SFTPD: variants seen among roughly 807,000 people sequenced by gnomAD.
SFTPD encodes the protein surfactant protein D.
In SFTPD, 18 loss-of-function variants were observed where a neutral mutation model predicts 34.6. The observed-to-expected ratio is 0.52, with a 90% CI of 0.36 to 0.77. The LOEUF is 0.77. Among genes scored for constraint, SFTPD ranks in the 30% least tolerant of loss-of-function variants. The probability of loss-of-function intolerance (pLI) is 0.00; values close to 1 mark genes in which losing one functional copy is unlikely to be tolerated. For missense variants in SFTPD, 433 were observed against 468.9 expected, an observed-to-expected ratio of 0.92 and a Z score of 0.71; for synonymous variants, 155 against 180.9, an observed-to-expected ratio of 0.86 and a Z score of 1.15.
upstream of SFTPD, among the ~76,000 whole-genome samples, chr10:79,951,339 C>T (rs1374580391): frequency 6.6e-6 from 1 of 152,128 alleles, no homozygotes; most frequent in Admixed American, 6.5e-5. Flanking sequence ...TGAACTTACT[C>T]TCATTTGAAT....
intron 2 of SFTPD, among the ~76,000 whole-genome samples, chr10:79,944,211 C>CTAA (rs1179324414): frequency 2.0e-5 from 3 of 152,242 alleles, no homozygotes; most frequent in Non-Finnish European, 2.9e-5. Context: ...TCTGGAGCCT[C>CTAA]TAATACATGC....
chr10:79,941,071 T>A (rs1842606498), intron 6 of SFTPD, among the ~76,000 whole-genome samples: 1 of 136,070 alleles, frequency 7.3e-6, no homozygotes. Flanking sequence ...GGTGGGGGGG[T>A]TGCTGGGCAG....
intron 1 of SFTPD, among the ~76,000 whole-genome samples, chr10:79,948,447 G>A (rs572027701): frequency 6.6e-6 from 1 of 152,350 alleles, no homozygotes; most frequent in East Asian, 1.9e-4. Flanking sequence ...TGGGGCAGCA[G>A]ATGGAGTGGG....
chr10:79,972,767 C>A (rs900583965), intron 1 of SFTPD: 2 of 152,130 alleles, frequency 1.3e-5, no homozygotes, highest in African/African-American at 2.4e-5. Context: ...GGAACCAAAC[C>A]AAGGTAATGA....
chr10:79,953,848 T>A (rs1842724563), upstream of SFTPD, among the ~76,000 whole-genome samples: 1 of 152,090 alleles, frequency 6.6e-6, no homozygotes, highest in African/African-American at 2.4e-5. Flanking sequence ...CTCTTTTTTA[T>A]TCTTTTTTTC....
At chr10:79,978,766 G>C (rs963117206) in intron 1 of SFTPD, among the ~76,000 whole-genome samples, 1 of 145,420 alleles carries the variant, frequency 6.9e-6, no homozygotes, top group Non-Finnish European at 1.5e-5. Flanking sequence ...ATTCTAAAAT[G>C]TTTTCCTTGA....
At chr10:79,961,127 C>T (rs1474420526) in intron 1 of SFTPD, among the ~76,000 whole-genome samples, 2 of 152,176 alleles carry the variant, frequency 1.3e-5, no homozygotes, top group African/African-American at 4.8e-5. Context: ...CTTCCTTACA[C>T]CTTATACAAA....
intron 2 of SFTPD, among the ~76,000 whole-genome samples, chr10:79,944,363 A>C (rs2132498298): frequency 6.6e-6 from 1 of 152,328 alleles, no homozygotes; most frequent in African/African-American, 2.4e-5. Flanking sequence ...AGTAAAGCAT[A>C]GGGTGTGTTG....
At chr10:79,943,996 G>A (rs1842641496) in intron 2 of SFTPD, among the ~76,000 whole-genome samples, 2 of 152,256 alleles carry the variant, frequency 1.3e-5, no homozygotes, top group Non-Finnish European at 2.9e-5. Flanking sequence ...GGCCATGAGA[G>A]CACCAGGGTG....
intron 5 of SFTPD, 83 bp downstream of exon 5, chr10:79,941,871 G>T: frequency 1.1e-6 from 1 of 870,198 alleles, no homozygotes. Context: ...TTTGTGGGTG[G>T]TGGAGGGGGT....
chr10:79,950,135 A>T (rs1842701386), upstream of SFTPD: 1 of 152,122 alleles, frequency 6.6e-6, no homozygotes, highest in Non-Finnish European at 1.5e-5. Flanking sequence ...AAGCCATCAT[A>T]CCCAGCACCA....
chr10:79,969,340 G>C (rs1842822225), intron 1 of SFTPD: 1 of 152,134 alleles, frequency 6.6e-6, no homozygotes, highest in Non-Finnish European at 1.5e-5. Flanking sequence ...CTGGCATGGT[G>C]GCAGGCGCCT....
intron 4 of SFTPD, 36 bp from the exon 5 acceptor site, chr10:79,942,106 G>A (rs780007400): frequency 4.1e-6 from 6 of 1,465,788 alleles, no homozygotes; most frequent in Non-Finnish European, 5.7e-6. Flanking sequence ...ACACAGCTAA[G>A]AGCGCGTTCA....
chr10:79,980,055 C>T (rs1278744216), intron 1 of SFTPD, among the ~76,000 whole-genome samples: 1 of 152,146 alleles, frequency 6.6e-6, no homozygotes, highest in Non-Finnish European at 1.5e-5. Flanking sequence ...GGAAAGAAGC[C>T]AGTCCTTGCA....
chr10:79,947,133 C>A (rs1332715752), intron 1 of SFTPD, among the ~76,000 whole-genome samples: 4 of 152,250 alleles, frequency 2.6e-5, no homozygotes, highest in East Asian at 3.8e-4. Context: ...CTCTTGCTGC[C>A]TTGCATGGAC....
chr10:79,946,759 T>A, intron 1 of SFTPD, 97 bp from the exon 2 acceptor site: 1 of 1,096,996 alleles, frequency 9.1e-7, no homozygotes, highest in Non-Finnish European at 1.3e-6. Context: ...AAGCCCCCAT[T>A]CCCTCCTTCT....
intron 3 of SFTPD, 37 bp from the exon 4 acceptor site, chr10:79,942,541 T>A (rs200184048): frequency 8.5e-5 from 117 of 1,380,404 alleles, no homozygotes; most frequent in Non-Finnish European, 1.2e-4. Context: ...TAACAATGAA[T>A]CCTCTTGGCA....
intron 1 of SFTPD, among the ~76,000 whole-genome samples, chr10:79,959,679 G>T (rs1216630030): frequency 2.0e-5 from 3 of 152,166 alleles, no homozygotes; most frequent in Non-Finnish European, 4.4e-5. Context: ...AAAAAGTCCA[G>T]GACCAGATGG....
chr10:79,947,195 G>A (rs726289), intron 1 of SFTPD, among the ~76,000 whole-genome samples: 12,012 of 152,316 alleles, frequency 0.079, 632 homozygotes, highest in South Asian at 0.2. Context: ...AGTCCTGAGT[G>A]CTTAGTAATG....
Sources: gnomAD v4.1 joint callset for allele counts (sites outside exome capture counted in the v4.1 genomes callset) on GRCh38, gnomAD v4.1.1 for gene constraint, MANE v1.5 for transcripts, NCBI Gene and HGNC (gene_info 2026-07-23, HGNC 2026-07-21) for gene names.